Variants in MARCHF1 observed in about 807,000 individuals in gnomAD.
MARCHF1 encodes membrane associated ring-CH-type finger 1.
A neutral mutation model predicts 54.2 loss-of-function variants in MARCHF1; 40 were observed. The ratio of observed to expected loss-of-function variants is 0.74; its 90% confidence interval spans 0.57 to 0.96. MARCHF1 has a LOEUF of 0.96. MARCHF1 is among the 40% of genes least tolerant of loss of function. The pLI is 0.00. For missense variants in MARCHF1, 586 were observed against 656.5 expected (o/e 0.89, Z 1.17); for synonymous variants, 236 against 236.3 (o/e 1.00, Z 0.01).
At chr4:163,751,275 C>G (rs1464969431) in intron 4 of MARCHF1, among the ~76,000 whole-genome samples, 1 of 152,040 alleles carries the variant, frequency 6.6e-6, no homozygotes, top group East Asian at 1.9e-4. Flanking sequence ...TCAAGCAAAT[C>G]TCCTGCCTTA....
In MARCHF1 at chr4:163,709,571, G is replaced by T. The variant is rs535398680; in HGVS notation, c.112-8708C>A. ...TCATAAAGGTATATCTATGTGTGTT[G>T]TATGTATGTGTATGTAATCAAAAAG... is the stretch of plus-strand genomic sequence containing the variant. On this transcript the variant is annotated intron_variant, in intron 4 of 9. Transcript: ENST00000514618. Among the ~76,000 whole-genome samples the T allele has an allele frequency of 2.6e-5, 4 of 152,226 alleles. No individual in the cohort carries two copies. The South Asian group carries it at 6.2e-4, about 24-fold the overall frequency.
chr4:164,042,744 A>G (rs931085769), intron 2 of MARCHF1, among the ~76,000 whole-genome samples: 1 of 152,178 alleles, frequency 6.6e-6, no homozygotes, highest in African/African-American at 2.4e-5. Flanking sequence ...AGACAAGGTA[A>G]TTCTCTTCCA....
chr4:163,592,581 C>T (rs1274385675), intron 7 of MARCHF1, among the ~76,000 whole-genome samples: 1 of 151,926 alleles, frequency 6.6e-6, no homozygotes, highest in Non-Finnish European at 1.5e-5. Context: ...ATAATGATCA[C>T]CTTGCTTGGT....
chr4:163,800,310 TTTAA>T (rs1188972192), intron 4 of MARCHF1, among the ~76,000 whole-genome samples: 3 of 151,992 alleles, frequency 2.0e-5, no homozygotes, highest in Non-Finnish European at 4.4e-5. Context: ...AACCTGATGT[TTTAA>T]TTTTTATTCT....
At chr4:163,845,620 T>A (rs757708728) in intron 4 of MARCHF1, among the ~76,000 whole-genome samples, 3 of 152,040 alleles carry the variant, frequency 2.0e-5, no homozygotes, top group Non-Finnish European at 4.4e-5. Context: ...AAACAACCCA[T>A]AAGAATTAAA....
chr4:164,010,804 C>T (rs1337415126), intron 2 of MARCHF1, among the ~76,000 whole-genome samples: 1 of 151,944 alleles, frequency 6.6e-6, no homozygotes, highest in Non-Finnish European at 1.5e-5. Flanking sequence ...ACCAAATAGC[C>T]AAAGCAATCC....
intron 3 of MARCHF1, among the ~76,000 whole-genome samples, chr4:163,949,017 G>C (rs1456332484): frequency 2.0e-5 from 3 of 152,200 alleles, no homozygotes; most frequent in Non-Finnish European, 4.4e-5. Flanking sequence ...AAATCTCTGT[G>C]GCCAATGGCA....
intron 1 of MARCHF1, among the ~76,000 whole-genome samples, chr4:164,144,415 T>C (rs372080398): frequency 8.6e-5 from 13 of 150,410 alleles, no homozygotes; most frequent in African/African-American, 1.5e-4. Flanking sequence ...GACCACATAC[T>C]TGGAAGTAAA....
At chr4:163,828,355 T>G (rs548489778) in intron 4 of MARCHF1, among the ~76,000 whole-genome samples, 1 of 152,274 alleles carries the variant, frequency 6.6e-6, no homozygotes, top group South Asian at 2.1e-4. Context: ...ACATCATTCT[T>G]TCTTTCCTCA....
chr4:163,599,444 C>T (rs1022975275), intron 7 of MARCHF1, among the ~76,000 whole-genome samples: 9 of 151,946 alleles, frequency 5.9e-5, no homozygotes, highest in Non-Finnish European at 1.2e-4. Flanking sequence ...ACAATATACA[C>T]ACAAGCAAAC....
intron 4 of MARCHF1, among the ~76,000 whole-genome samples, chr4:163,815,916 T>C (rs1019482508): frequency 3.9e-5 from 6 of 152,294 alleles, no homozygotes; most frequent in African/African-American, 1.4e-4. Flanking sequence ...TCTTAACTTC[T>C]TTCACTTCCC....
chr4:163,563,638 C>G (rs1389298931), intron 8 of MARCHF1, among the ~76,000 whole-genome samples: 1 of 152,166 alleles, frequency 6.6e-6, no homozygotes, highest in Non-Finnish European at 1.5e-5. Context: ...AAACTGAGAC[C>G]TCAGAAGATT....
rs554523932 is a variant in MARCHF1 at position 163,997,987 on chromosome 4, A to G, written c.-247-9278T>C. 8.8e-4 allele frequency among the ~76,000 whole-genome samples: 133 copies of G among 151,646 alleles called. 2 individuals carry two copies. Among genetic ancestry groups the G allele is most frequent in the African/African-American group, 2.7e-3 (112 of 41,464 alleles). ...ATTCTACATGCAAAATGTCTAAAAA[A>G]AGATATAAGTAACAAAAGAGATTCT... On this transcript the variant is annotated intron_variant, in intron 2 of 9. Coordinates refer to ENST00000514618, the MANE Select transcript of MARCHF1 (RefSeq NM_001394959.1).
chr4:164,258,439 A>T (rs1185935918), intron 1 of MARCHF1, among the ~76,000 whole-genome samples: 1 of 146,022 alleles, frequency 6.8e-6, no homozygotes, highest in Non-Finnish European at 1.5e-5. Context: ...CAATAGAAAA[A>T]AATCTGTGTC....
intron 5 of MARCHF1, among the ~76,000 whole-genome samples, chr4:163,691,640 G>C (rs1744460196): frequency 6.6e-6 from 1 of 152,126 alleles, no homozygotes; most frequent in Admixed American, 6.6e-5. Flanking sequence ...GCAACAATGA[G>C]GGCTCTGTTT....
chr4:164,091,606 A>G (rs1755303859), intron 2 of MARCHF1, among the ~76,000 whole-genome samples: 1 of 151,818 alleles, frequency 6.6e-6, no homozygotes, highest in African/African-American at 2.4e-5. Context: ...ACTATATCTC[A>G]AATACAGGCT....
At chr4:163,933,309 A>C (rs2111403704) in intron 3 of MARCHF1, 1 of 561,406 alleles carries the variant, frequency 1.8e-6, no homozygotes, top group Non-Finnish European at 3.4e-6. Flanking sequence ...ACATATCTCC[A>C]TTCCTTATTC....
chr4:163,648,978 A>T (rs1384833945), intron 5 of MARCHF1, among the ~76,000 whole-genome samples: 2 of 151,696 alleles, frequency 1.3e-5, no homozygotes, highest in Non-Finnish European at 2.9e-5. Context: ...TCCCAATGTG[A>T]TAATATTTTT....
chr4:164,357,452 T>G (rs1730592570), intron 1 of MARCHF1, among the ~76,000 whole-genome samples: 1 of 152,116 alleles, frequency 6.6e-6, no homozygotes, highest in South Asian at 2.1e-4. Flanking sequence ...CCCAGAATCA[T>G]CTCCCCATCT....
Sources: gnomAD v4.1 joint callset for allele counts (sites outside exome capture counted in the v4.1 genomes callset) on GRCh38, gnomAD v4.1.1 for gene constraint, MANE v1.5 for transcripts, NCBI Gene and HGNC (gene_info 2026-07-23, HGNC 2026-07-21) for gene names.